The following TCF7L2 variants were observed in gnomAD, a reference collection of about 807,000 sequenced individuals.
TCF7L2 encodes the protein transcription factor 7 like 2, also known as transcription factor 7-like 2.
A neutral mutation model predicts 77.9 loss-of-function variants in TCF7L2; 23 were observed. The observed-to-expected ratio is 0.30, with a 90% CI of 0.21 to 0.42. TCF7L2 has a LOEUF of 0.42. Ranked by LOEUF, TCF7L2 falls within the 10% of genes least tolerant of loss-of-function variation. TCF7L2 has a pLI of 1.00. For synonymous variants in TCF7L2, 413 were observed against 340.2 expected (o/e 1.21, Z -2.36); for missense variants, 654 against 793.1 (o/e 0.82, Z 2.11).
chr10:112,951,036 C>A, intron 1 of TCF7L2, 91 bp downstream of exon 1: 1 of 1,465,454 alleles, frequency 6.8e-7, no homozygotes, highest in Admixed American at 2.5e-5. Flanking sequence ...GGGCTGGGGG[C>A]GGCGGCGGGG....
intron 5 of TCF7L2, among the ~76,000 whole-genome samples, chr10:113,097,012 C>G (rs2061054621): frequency 6.6e-6 from 1 of 152,118 alleles, no homozygotes; most frequent in Non-Finnish European, 1.5e-5. Flanking sequence ...CCCCGCGTCA[C>G]CATCCCTGTC....
At chr10:113,149,044 G>A (rs920810210) in intron 8 of TCF7L2, among the ~76,000 whole-genome samples, 4 of 152,130 alleles carry the variant, frequency 2.6e-5, no homozygotes, top group Admixed American at 2.6e-4. Context: ...TCATTCTGCA[G>A]GAAGGGAACA....
At chr10:113,125,036 T>A (rs1233184489) in intron 5 of TCF7L2, among the ~76,000 whole-genome samples, 5 of 152,134 alleles carry the variant, frequency 3.3e-5, no homozygotes, top group Admixed American at 2.6e-4. Context: ...TCATCCTGAA[T>A]AAAGTGAGAG....
At position 113,054,111 on chromosome 10, in the gene TCF7L2, T is replaced by TG. The variant is rs375656499; in HGVS notation, c.552+13986dup. Reference sequence around the variant, plus strand: ...ATGCTGTTAGTTCCTGTTGAGGAAGTGAGGCTTTGTGGGTTCCCAGGAGGA... The same window carrying TG: ...ATGCTGTTAGTTCCTGTTGAGGAAGTGGAGGCTTTGTGGGTTCCCAGGAGGA... On this transcript the variant is annotated intron_variant, in intron 5 of 13. Coordinates refer to ENST00000627217, the MANE Select transcript of TCF7L2 (RefSeq NM_001146274.2). Among the ~76,000 whole-genome samples the TG allele has an allele frequency of 1.0e-3, 158 of 152,276 alleles. 1 individual carries two copies. The highest frequency in any genetic ancestry group is 3.6e-3 in the African/African-American group (149 of 41,542).
chr10:113,155,109 T>A (rs1410372520), intron 11 of TCF7L2, among the ~76,000 whole-genome samples: 1 of 152,180 alleles, frequency 6.6e-6, no homozygotes, highest in East Asian at 1.9e-4. Flanking sequence ...TTCACATTCC[T>A]GCTTTTCCAG....
intron 4 of TCF7L2, 71 bp downstream of exon 4, chr10:112,964,695 C>T: frequency 7.6e-7 from 1 of 1,311,686 alleles, no homozygotes; most frequent in Non-Finnish European, 1.1e-6. Flanking sequence ...TATTCTCCGC[C>T]CCTTCCCCCA....
rs541362192 is a variant in TCF7L2, at chr10:112,950,433, T to A, written c.-324T>A. ...CCCCCTTTGCTCTTTATATCTGACTTCTTGTTGTTGTTGGTGTTTTTTTTT... is the reference window on the plus strand; with the variant it reads ...CCCCCTTTGCTCTTTATATCTGACTACTTGTTGTTGTTGGTGTTTTTTTTT... On this transcript the variant is annotated 5_prime_UTR_variant, in exon 1 of 14. Coordinates refer to ENST00000627217, the MANE Select transcript of TCF7L2 (RefSeq NM_001146274.2). The A allele has an allele frequency of 9.9e-4, 230 of 232,548 alleles. No individual in the cohort carries two copies. The highest frequency in any genetic ancestry group is 5.0e-3 in the African/African-American group (206 of 41,268). 14.4% of individuals were successfully genotyped at this position (232,548 alleles called of 1,614,324 possible).
At chr10:112,997,943 A>G in intron 4 of TCF7L2, among the ~76,000 whole-genome samples, 1 of 152,196 alleles carries the variant, frequency 6.6e-6, no homozygotes, top group East Asian at 1.9e-4. Context: ...TAAGTGTATT[A>G]CAACCCCGTG....
chr10:113,081,095 C>A (rs185802216), intron 5 of TCF7L2, among the ~76,000 whole-genome samples: 24 of 152,332 alleles, frequency 1.6e-4, no homozygotes, highest in African/African-American at 5.8e-4. Flanking sequence ...TCTAAATTTC[C>A]TGAGTGGTAG....
intron 5 of TCF7L2, among the ~76,000 whole-genome samples, chr10:113,130,570 A>G (rs941752881): frequency 6.6e-6 from 1 of 152,088 alleles, no homozygotes; most frequent in South Asian, 2.1e-4. Flanking sequence ...TTTTAGGGCT[A>G]TGGTCTTGCT....
At chr10:113,158,297 G>T (rs1164454051) in intron 12 of TCF7L2, among the ~76,000 whole-genome samples, 1 of 152,124 alleles carries the variant, frequency 6.6e-6, no homozygotes, top group Non-Finnish European at 1.5e-5. Context: ...AATTCTAGTG[G>T]AATGTGTTTT....
chr10:113,160,532 A>T (rs528575831), intron 12 of TCF7L2: 1 of 1,243,312 alleles, frequency 8.0e-7, no homozygotes, highest in Non-Finnish European at 1.1e-6. Flanking sequence ...GATAGAGAAG[A>T]AAAGGAAGCT....
At chr10:113,100,115 T>C (rs1275585790) in intron 5 of TCF7L2, among the ~76,000 whole-genome samples, 1 of 152,114 alleles carries the variant, frequency 6.6e-6, no homozygotes, top group Non-Finnish European at 1.5e-5. Context: ...GAAACTCCCA[T>C]TGTCTGGCAA....
At chr10:112,955,303 A>G (rs2033239915) in intron 3 of TCF7L2, among the ~76,000 whole-genome samples, 1 of 152,208 alleles carries the variant, frequency 6.6e-6, no homozygotes, top group African/African-American at 2.4e-5. Context: ...TCCTTCAGAA[A>G]TATTTATGGC....
At chr10:112,979,861 T>C (rs914793757) in intron 4 of TCF7L2, among the ~76,000 whole-genome samples, 33 of 152,328 alleles carry the variant, frequency 2.2e-4, no homozygotes, top group Admixed American at 1.6e-3. Context: ...ACCAGTAGAA[T>C]GTACGTAAAA....
At chr10:113,153,526 C>G (rs1313893363) in intron 11 of TCF7L2, among the ~76,000 whole-genome samples, 1 of 152,138 alleles carries the variant, frequency 6.6e-6, no homozygotes, top group Non-Finnish European at 1.5e-5. Context: ...GTATAGGGGT[C>G]GAGGTCGTTA....
chr10:113,135,553 A>G (rs2067272440), intron 5 of TCF7L2, among the ~76,000 whole-genome samples: 1 of 152,192 alleles, frequency 6.6e-6, no homozygotes, highest in South Asian at 2.1e-4. Context: ...TGTTTACTTC[A>G]TTTAATGGTT....
chr10:113,083,697 G>A (rs1171144747), intron 5 of TCF7L2, among the ~76,000 whole-genome samples: 1 of 152,186 alleles, frequency 6.6e-6, no homozygotes, highest in Non-Finnish European at 1.5e-5. Context: ...GCATCCTTGT[G>A]TGTGAATACA....
chr10:113,013,843 G>A (rs1198750578), intron 4 of TCF7L2, among the ~76,000 whole-genome samples: 1 of 152,138 alleles, frequency 6.6e-6, no homozygotes, highest in African/African-American at 2.4e-5. Context: ...GTATTTATAG[G>A]GAACCAAACA....
Sources: gnomAD v4.1 joint callset for allele counts (sites outside exome capture counted in the v4.1 genomes callset) on GRCh38, gnomAD v4.1.1 for gene constraint, MANE v1.5 for transcripts, NCBI Gene and HGNC (gene_info 2026-07-23, HGNC 2026-07-21) for gene names.